The following DNAI1 variants were observed in gnomAD, a reference collection of about 807,000 sequenced individuals.
DNAI1 encodes dynein, axonemal, intermediate polypeptide 1.
Under a neutral mutation model 92.0 loss-of-function variants are expected in DNAI1, and 67 were observed. That is an observed-to-expected ratio of 0.73 (90% CI 0.60 to 0.89). The LOEUF is 0.89. DNAI1 is among the 40% of genes least tolerant of loss of function. The probability of loss-of-function intolerance (pLI) is 0.00; values close to 1 mark genes in which losing one functional copy is unlikely to be tolerated. For synonymous variants in DNAI1, 323 were observed against 319.6 expected, an observed-to-expected ratio of 1.01 and a Z score of -0.11; for missense variants, 839 against 866.6, an observed-to-expected ratio of 0.97 and a Z score of 0.40.
chr9:34,510,007 G>A (rs1354937450), intron 13 of DNAI1, among the ~76,000 whole-genome samples: 1 of 152,224 alleles, frequency 6.6e-6, no homozygotes, highest in East Asian at 1.9e-4. Context: ...TTGGCTATAT[G>A]AGCATGGAGG....
chr9:34,502,699 A>C (rs16931560), intron 12 of DNAI1, among the ~76,000 whole-genome samples: 2 of 152,082 alleles, frequency 1.3e-5, no homozygotes, highest in Admixed American at 6.5e-5. Context: ...TCCTTTGGGC[A>C]GGCACTTACC....
chr9:34,496,146 A>T (rs1824720920), intron 9 of DNAI1, among the ~76,000 whole-genome samples: 1 of 152,218 alleles, frequency 6.6e-6, no homozygotes, highest in Admixed American at 6.5e-5. Context: ...ACTTACCAGG[A>T]GGAGTCTAAG....
chr9:34,492,493 G>GAGAGAT (rs1271867592), intron 8 of DNAI1, among the ~76,000 whole-genome samples: 2 of 68,258 alleles, frequency 2.9e-5, no homozygotes, highest in Non-Finnish European at 6.1e-5. Flanking sequence ...GGGATATGAA[G>GAGAGAT]ATATATATAT....
rs1171993133 is a variant in DNAI1 at position 34,501,293 on chromosome 9, G to T, written c.1063+112G>T. 13 of 915,956 alleles carry T rather than the reference G, an allele frequency of 1.4e-5. No homozygotes were observed. In the East Asian group the frequency reaches 2.6e-4, roughly 19 times the overall value. The allele number at this position is 915,956 out of a possible 1,614,324, so 56.7% of individuals were successfully genotyped here. On this transcript the variant is annotated intron_variant, in intron 12 of 19. Transcript: ENST00000242317. ...AGAAATACAAAGATGACTGCCCGCAGGGGGCTCACAGTCTAATGGGGAAGA... is the reference window on the plus strand; with the variant it reads ...AGAAATACAAAGATGACTGCCCGCATGGGGCTCACAGTCTAATGGGGAAGA...
At chr9:34,507,822 C>G (rs574165185) in intron 13 of DNAI1, among the ~76,000 whole-genome samples, 2 of 152,324 alleles carry the variant, frequency 1.3e-5, no homozygotes, top group South Asian at 4.1e-4. Flanking sequence ...TCTGTAGCAC[C>G]CCCTCTTCTC....
chr9:34,466,294 A>AT lies in DNAI1; in HGVS notation c.48+7246dup, dbSNP rs570518703. 4.8e-4 allele frequency among the ~76,000 whole-genome samples: 73 copies of AT among 152,016 alleles called. 1 individual carries two copies. The highest frequency in any genetic ancestry group is 8.7e-4 in the Non-Finnish European group (59 of 68,004). On this transcript the variant is annotated intron_variant, in intron 1 of 19. Coordinates refer to ENST00000242317, the MANE Select transcript of DNAI1 (RefSeq NM_012144.4). ...GGACCCTACCCCTAATGTTAAGCTT[A>AT]TTTTTCTACTTTTATTCTTACATCA...
At chr9:34,461,740 G>A (rs1438491097) in intron 1 of DNAI1, among the ~76,000 whole-genome samples, 1 of 152,178 alleles carries the variant, frequency 6.6e-6, no homozygotes, top group Non-Finnish European at 1.5e-5. Flanking sequence ...TGTGAGAAAA[G>A]GTTAGGTTGT....
intron 1 of DNAI1, among the ~76,000 whole-genome samples, chr9:34,473,769 A>G (rs558212007): frequency 1.4e-4 from 21 of 152,258 alleles, no homozygotes; most frequent in African/African-American, 4.6e-4. Context: ...TCTGGTGCCC[A>G]GGCTGGAGTG....
intron 4 of DNAI1, among the ~76,000 whole-genome samples, chr9:34,487,016 A>C (rs567112137): frequency 6.6e-6 from 1 of 152,200 alleles, no homozygotes; most frequent in African/African-American, 2.4e-5. Flanking sequence ...TTATCCATTC[A>C]TCAGTTGATG....
At chr9:34,513,296 C>A in intron 16 of DNAI1, 105 bp downstream of exon 16, 3 of 933,968 alleles carry the variant, frequency 3.2e-6, no homozygotes, top group South Asian at 2.6e-5. Context: ...TAGTTCCCGT[C>A]AGTTCTAGAA....
chr9:34,485,938 C>T (rs2132058093), intron 4 of DNAI1, among the ~76,000 whole-genome samples: 1 of 152,268 alleles, frequency 6.6e-6, no homozygotes, highest in Admixed American at 6.5e-5. Context: ...ACCCCCAGCC[C>T]CACTGGAGAA....
At chr9:34,481,016 G>T (rs555701089) in intron 1 of DNAI1, among the ~76,000 whole-genome samples, 148 of 152,286 alleles carry the variant, frequency 9.7e-4, no homozygotes, top group Non-Finnish European at 1.7e-3. Flanking sequence ...CAAGGCAGGC[G>T]GATCAACTGA....
At chr9:34,494,820 G>T (rs983580439) in intron 9 of DNAI1, among the ~76,000 whole-genome samples, 1 of 152,134 alleles carries the variant, frequency 6.6e-6, no homozygotes, top group Non-Finnish European at 1.5e-5. Context: ...CCCTCCCCCA[G>T]CCCCACCTAG....
At chr9:34,460,729 C>A (rs572796996) in intron 1 of DNAI1, among the ~76,000 whole-genome samples, 242 of 152,308 alleles carry the variant, frequency 1.6e-3, no homozygotes, top group African/African-American at 5.1e-3. Flanking sequence ...GTGGCGCAAT[C>A]TAGGTTCACT....
intron 1 of DNAI1, among the ~76,000 whole-genome samples, chr9:34,465,429 C>T (rs1824020124): frequency 6.6e-6 from 1 of 152,178 alleles, no homozygotes; most frequent in Non-Finnish European, 1.5e-5. Flanking sequence ...ACAGTTTTTT[C>T]TTCTTTTCCC....
chr9:34,513,019 G>A (rs1043614057), intron 15 of DNAI1, 93 bp from the exon 16 acceptor site: 8 of 1,007,770 alleles, frequency 7.9e-6, no homozygotes, highest in Non-Finnish European at 1.3e-5. Context: ...TGCGCTGAGA[G>A]TGCCTGGGCT....
intron 1 of DNAI1, among the ~76,000 whole-genome samples, chr9:34,478,377 G>A (rs961738983): frequency 3.3e-5 from 5 of 152,176 alleles, no homozygotes; most frequent in African/African-American, 9.7e-5. Context: ...GGAGAGATCA[G>A]TGACATGGAA....
rs1377616433 is a variant in DNAI1 at position 34,513,285 on chromosome 9, T to C, written c.1569+94T>C. 12 of 1,004,246 alleles carry C rather than the reference T, an allele frequency of 1.2e-5. No individual in the cohort carries two copies. In the East Asian group the frequency reaches 2.6e-4, roughly 22 times the overall value. The allele number at this position is 1,004,246 out of a possible 1,614,324, so 62.2% of individuals were successfully genotyped here. A position where few individuals can be genotyped will look rare whatever the true frequency, so the allele number is the denominator to read the frequency against. On this transcript the variant is annotated intron_variant, in intron 16 of 19. Coordinates refer to ENST00000242317, the MANE Select transcript of DNAI1 (RefSeq NM_012144.4). Reference sequence around the variant, plus strand: ...TCAACAGATCCTATTTTGATGGATTTTAGTTCCCGTCAGTTCTAGAAGGCC... The same window carrying C: ...TCAACAGATCCTATTTTGATGGATTCTAGTTCCCGTCAGTTCTAGAAGGCC...
intron 6 of DNAI1, 106 bp downstream of exon 6, chr9:34,490,230 GAGGCTGC>G (rs760505498): frequency 6.0e-5 from 96 of 1,608,528 alleles, no homozygotes; most frequent in Non-Finnish European, 8.0e-5. Context: ...GGTGAGAATA[GAGGCTGC>G]AGGTGCCAAT....
Sources: gnomAD v4.1 joint callset for allele counts (sites outside exome capture counted in the v4.1 genomes callset) on GRCh38, gnomAD v4.1.1 for gene constraint, MANE v1.5 for transcripts, NCBI Gene and HGNC (gene_info 2026-07-23, HGNC 2026-07-21) for gene names.